Variants in CSMD3 observed in about 807,000 individuals in gnomAD.
The protein encoded by CSMD3 is CUB and Sushi multiple domains 3.
In CSMD3, 177 loss-of-function variants were observed where a neutral mutation model predicts 435.2. That is an observed-to-expected ratio of 0.41 (90% CI 0.36 to 0.46). The LOEUF is 0.46. Ranked by LOEUF, CSMD3 falls within the 20% of genes least tolerant of loss-of-function variation. CSMD3 has a pLI of 0.34. For missense variants in CSMD3, 4,265 were observed against 4,504.6 expected, an observed-to-expected ratio of 0.95 and a Z score of 1.52; for synonymous variants, 1,656 against 1,520.5, an observed-to-expected ratio of 1.09 and a Z score of -2.07.
chr8:113,309,703 A>G (rs890467230), intron 2 of CSMD3: 1 of 152,216 alleles, frequency 6.6e-6, no homozygotes, highest in African/African-American at 2.4e-5. Flanking sequence ...AACTTTGGAA[A>G]CAATTTATTT....
At chr8:113,303,095 C>T (rs958689064) in intron 2 of CSMD3, among the ~76,000 whole-genome samples, 4 of 140,002 alleles carry the variant, frequency 2.9e-5, no homozygotes, top group Admixed American at 7.5e-5. Context: ...ACAAAAATCA[C>T]AAGCATTCTT....
chr8:113,230,946 T>C (rs1049620061), intron 3 of CSMD3, among the ~76,000 whole-genome samples: 2 of 151,448 alleles, frequency 1.3e-5, no homozygotes, highest in Admixed American at 6.6e-5. Context: ...TTTTCAACAA[T>C]ATATAAATGT....
chr8:113,034,569 T>C (rs1399077383), intron 5 of CSMD3, among the ~76,000 whole-genome samples: 1 of 152,180 alleles, frequency 6.6e-6, no homozygotes, highest in Non-Finnish European at 1.5e-5. Context: ...CTAGTGAGTG[T>C]ATGTTTTCTG....
chr8:112,511,441 G>C (rs1823121750), intron 28 of CSMD3, among the ~76,000 whole-genome samples: 1 of 146,812 alleles, frequency 6.8e-6, no homozygotes, highest in South Asian at 2.2e-4. Context: ...CTAGGCTGGA[G>C]TGCAGTGGCG....
At chr8:112,446,324 G>T (rs771682416) in intron 32 of CSMD3, among the ~76,000 whole-genome samples, 1 of 152,162 alleles carries the variant, frequency 6.6e-6, no homozygotes, top group Non-Finnish European at 1.5e-5. Flanking sequence ...ACTAACTCTA[G>T]CACAGTGGCA....
At chr8:112,973,075 A>G (rs1276876128) in intron 7 of CSMD3, among the ~76,000 whole-genome samples, 3 of 152,004 alleles carry the variant, frequency 2.0e-5, no homozygotes, top group Non-Finnish European at 2.9e-5. Context: ...TGAGAGTTAC[A>G]TGCGATGAAT....
At chr8:112,911,942 A>G (rs2082431714) in intron 10 of CSMD3, among the ~76,000 whole-genome samples, 1 of 131,388 alleles carries the variant, frequency 7.6e-6, no homozygotes, top group Non-Finnish European at 1.6e-5. Flanking sequence ...CAAGTTTGTC[A>G]AAGGTATCAA....
intron 32 of CSMD3, among the ~76,000 whole-genome samples, chr8:112,420,729 A>T (rs112686357): frequency 1.3e-5 from 2 of 152,268 alleles, no homozygotes; most frequent in African/African-American, 4.8e-5. Context: ...GTTATTAAAG[A>T]ATGTAATTCA....
intron 3 of CSMD3, among the ~76,000 whole-genome samples, chr8:113,185,998 C>A: frequency 6.6e-6 from 1 of 152,002 alleles, no homozygotes; most frequent in East Asian, 1.9e-4. Flanking sequence ...CAAAACCATT[C>A]TTATTGACAT....
At chr8:112,408,788 A>G in intron 33 of CSMD3, 131 bp downstream of exon 33, 1 of 1,458,760 alleles carries the variant, frequency 6.9e-7, no homozygotes, top group East Asian at 2.3e-5. Context: ...TTTAGAAAAA[A>G]AAAAGGTGAC....
At chr8:113,265,525 C>CTA (rs1345544806) in intron 3 of CSMD3, among the ~76,000 whole-genome samples, 2 of 151,460 alleles carry the variant, frequency 1.3e-5, no homozygotes, top group East Asian at 3.9e-4. Context: ...CTAAAAGCAT[C>CTA]TATAGTATTG....
chr8:112,961,081 A>G (rs2084211162), intron 7 of CSMD3, among the ~76,000 whole-genome samples: 1 of 151,740 alleles, frequency 6.6e-6, no homozygotes, highest in African/African-American at 2.4e-5. Flanking sequence ...TAAATTACAC[A>G]ATAAATTTTA....
chr8:113,002,893 T>C (rs1428752993), intron 6 of CSMD3, among the ~76,000 whole-genome samples: 4 of 152,082 alleles, frequency 2.6e-5, no homozygotes, highest in Admixed American at 6.6e-5. Context: ...TAAATTACAA[T>C]GTGAGAGATA....
At chr8:112,571,943 A>G (rs898900640) in intron 24 of CSMD3, among the ~76,000 whole-genome samples, 1 of 151,830 alleles carries the variant, frequency 6.6e-6, no homozygotes, top group African/African-American at 2.4e-5. Flanking sequence ...AACAAAAACC[A>G]TTACGTAAAC....
At chr8:112,358,246 C>G (rs1401683234) in intron 38 of CSMD3, among the ~76,000 whole-genome samples, 2 of 152,160 alleles carry the variant, frequency 1.3e-5, no homozygotes, top group Non-Finnish European at 2.9e-5. Flanking sequence ...ATGCCTGTAC[C>G]CCCACTGTAT....
intron 2 of CSMD3, among the ~76,000 whole-genome samples, chr8:113,302,393 C>A (rs541993097): frequency 9.5e-5 from 14 of 146,844 alleles, no homozygotes; most frequent in African/African-American, 3.5e-4. Flanking sequence ...ATATGAATAG[C>A]CTGACAGAGT....
At chr8:112,530,679 C>T (rs1825438467) in intron 27 of CSMD3, among the ~76,000 whole-genome samples, 1 of 152,160 alleles carries the variant, frequency 6.6e-6, no homozygotes, top group Non-Finnish European at 1.5e-5. Context: ...TTCTACACAG[C>T]AAACGTACAA....
chr8:113,154,506 T>C (rs941960434), intron 4 of CSMD3, among the ~76,000 whole-genome samples: 2 of 152,008 alleles, frequency 1.3e-5, no homozygotes, highest in East Asian at 1.9e-4. Flanking sequence ...GAGTAACTAC[T>C]ATGGGATAAG....
At chr8:112,818,462 A>C (rs1025736024) in intron 12 of CSMD3, among the ~76,000 whole-genome samples, 23 of 152,190 alleles carry the variant, frequency 1.5e-4, no homozygotes, top group African/African-American at 5.3e-4. Flanking sequence ...CTAGCACATG[A>C]ATTAAACTTA....
Sources: gnomAD v4.1 joint callset for allele counts (sites outside exome capture counted in the v4.1 genomes callset) on GRCh38, gnomAD v4.1.1 for gene constraint, MANE v1.5 for transcripts, NCBI Gene and HGNC (gene_info 2026-07-23, HGNC 2026-07-21) for gene names.